EML1: variants seen among roughly 807,000 people sequenced by gnomAD.
EML1 encodes the protein EMAP like 1, also known as echinoderm microtubule-associated protein-like 1.
EML1 carries 27 observed loss-of-function variants against 110.4 expected under a neutral mutation model. The ratio of observed to expected loss-of-function variants is 0.24; its 90% CI spans 0.18 to 0.34. The LOEUF is 0.34. EML1 is among the 10% of genes least tolerant of loss of function. The probability of loss-of-function intolerance (pLI) is 1.00; values close to 1 mark genes in which losing one functional copy is unlikely to be tolerated. For synonymous variants in EML1, 344 were observed against 385.8 expected (o/e 0.89, Z 1.27); for missense variants, 741 against 1,030.9 (o/e 0.72, Z 3.85).
chr14:99,811,073 T>C (rs1220515155), intron 1 of EML1, among the ~76,000 whole-genome samples: 2 of 152,190 alleles, frequency 1.3e-5, no homozygotes, highest in African/African-American at 4.8e-5. Flanking sequence ...CCGTCTCTTA[T>C]GATGTTCACC....
chr14:99,753,294 A>G (rs537432491), intron 1 of EML1, among the ~76,000 whole-genome samples: 13 of 150,176 alleles, frequency 8.7e-5, no homozygotes, highest in African/African-American at 2.4e-4. Context: ...TTCAGCTAAC[A>G]AGACACTTCA....
At chr14:99,769,666 T>C (rs1377942074), upstream of EML1, among the ~76,000 whole-genome samples, 1 of 152,238 alleles carries the variant, frequency 6.6e-6, no homozygotes, top group Non-Finnish European at 1.5e-5. Flanking sequence ...ATCAGTCACA[T>C]GAGTTTCAGC....
chr14:99,922,774 A>T (rs2060153345), intron 17 of EML1, among the ~76,000 whole-genome samples: 1 of 152,202 alleles, frequency 6.6e-6, no homozygotes, highest in Non-Finnish European at 1.5e-5. Context: ...CATATTAGTC[A>T]TTCCAATATC....
chr14:99,916,831 A>G (rs528703306), intron 15 of EML1, among the ~76,000 whole-genome samples: 16 of 152,302 alleles, frequency 1.1e-4, no homozygotes, highest in Admixed American at 9.1e-4. Flanking sequence ...CTCTCCTGGG[A>G]GGCCCAAGTC....
chr14:99,931,102 G>A (rs533846376), intron 17 of EML1, among the ~76,000 whole-genome samples: 4 of 152,284 alleles, frequency 2.6e-5, no homozygotes, highest in African/African-American at 9.6e-5. Flanking sequence ...CCCCTGTCAT[G>A]TGGCATTCCC....
At position 99,737,861 on chromosome 14, in the gene EML1, G is replaced by A; in HGVS notation, c.28+1G>A. 7.8e-7 allele frequency: 1 copy of A among 1,289,250 alleles called. No individual in the cohort carries two copies. The highest frequency in any genetic ancestry group is 1.0e-6 in the Non-Finnish European group (1 of 988,610). The allele number at this position is 1,289,250 out of a possible 1,614,324, so 79.9% of individuals were successfully genotyped here. On this transcript the variant is annotated splice_donor_variant, in intron 1 of 10. Coordinates refer to the EML1 transcript ENST00000554479. LOFTEE classifies it high-confidence loss of function. ...TCGGACGGCGAGGGCCCCTCCGCCG[G>A]TGAGTGGCAGCGCTATATTTACCCG... is the stretch of plus-strand genomic sequence containing the variant.
rs971770739 is a variant in EML1 at position 99,831,379 on chromosome 14, G to A, written c.68-19474G>A. On this transcript the variant is annotated intron_variant, in intron 1 of 21. Coordinates refer to ENST00000262233, the MANE Select transcript of EML1 (RefSeq NM_004434.3). ...GCAGCTGCTCCAGGGACCCGGGACA[G>A]GTACCCTGGAAAGGCATGGGTAGAG... Among the ~76,000 whole-genome samples the A allele has an allele frequency of 2.6e-5, 4 of 152,318 alleles. No homozygotes were observed. The South Asian group carries it at 6.2e-4, about 24-fold the overall frequency.
At chr14:99,878,362 G>A (rs1317418258) in intron 3 of EML1, 123 bp from the exon 4 acceptor site, 9 of 1,417,824 alleles carry the variant, frequency 6.3e-6, no homozygotes, top group African/African-American at 4.3e-5. Context: ...GATCTCCGTT[G>A]CTAGGCCTGT....
rs142059443 is a variant in EML1 at position 99,922,876 on chromosome 14, C to T, written c.1909+1999C>T. Among the ~76,000 whole-genome samples, 437 of 152,018 alleles carry T rather than the reference C, an allele frequency of 2.9e-3. 4 individuals are homozygous for T. The highest frequency in any genetic ancestry group is 9.8e-3 in the African/African-American group (407 of 41,454). ...AGTAGTAAGTCCTCTTTATATATTCCGTATATACAGTCTTTATCAGATAGA... is the reference window on the plus strand; with the variant it reads ...AGTAGTAAGTCCTCTTTATATATTCTGTATATACAGTCTTTATCAGATAGA... On this transcript the variant is annotated intron_variant, in intron 17 of 21. Transcript: ENST00000262233.
chr14:99,777,965 A>G (rs955658038), intron 1 of EML1, among the ~76,000 whole-genome samples: 7 of 151,814 alleles, frequency 4.6e-5, no homozygotes, highest in African/African-American at 1.7e-4. Context: ...TTGCCATTTT[A>G]TTTTATTTTA....
intron 1 of EML1, among the ~76,000 whole-genome samples, chr14:99,810,378 A>G (rs1566876674): frequency 6.6e-6 from 1 of 152,216 alleles, no homozygotes; most frequent in Non-Finnish European, 1.5e-5. Flanking sequence ...TAGCAGTGAC[A>G]CTTCACATGA....
intron 1 of EML1, among the ~76,000 whole-genome samples, chr14:99,818,562 A>C (rs1300362139): frequency 6.6e-6 from 1 of 152,180 alleles, no homozygotes; most frequent in Non-Finnish European, 1.5e-5. Flanking sequence ...AGGCAAGATG[A>C]CCATGCGAAC....
chr14:99,821,144 G>T (rs928399467), intron 1 of EML1, among the ~76,000 whole-genome samples: 1 of 150,278 alleles, frequency 6.7e-6, no homozygotes, highest in South Asian at 2.1e-4. Flanking sequence ...TGCCTGAGCC[G>T]CCCAAGTGGC....
At chr14:99,746,358 C>T (rs2057108088) in intron 1 of EML1, among the ~76,000 whole-genome samples, 1 of 152,150 alleles carries the variant, frequency 6.6e-6, no homozygotes, top group South Asian at 2.1e-4. Context: ...CAGCAATCCC[C>T]TCTGAACTTT....
chr14:99,913,856 A>C (rs2059987634), intron 13 of EML1, among the ~76,000 whole-genome samples: 1 of 151,296 alleles, frequency 6.6e-6, no homozygotes, highest in South Asian at 2.1e-4. Context: ...TGCCCAGCTA[A>C]TTTTTGTATT....
intron 1 of EML1, among the ~76,000 whole-genome samples, chr14:99,830,711 C>T (rs1315922605): frequency 1.3e-5 from 2 of 152,064 alleles, no homozygotes; most frequent in African/African-American, 4.8e-5. Context: ...CCACCGCCCC[C>T]AGCTAAGTTT....
rs1053537277 is a variant in EML1 at position 99,939,467 on chromosome 14, C to G, written c.2322+140C>G. The G allele has an allele frequency of 1.5e-6, 2 of 1,373,204 alleles. No homozygotes were observed. The highest frequency in any genetic ancestry group is 1.4e-5 in the African/African-American group (1 of 69,002). The allele number at this position is 1,373,204 out of a possible 1,614,324, so 85.1% of individuals were successfully genotyped here. ...CAGATGTGACTCTGTTCTTTGCGCC[C>G]TGAGCACTTCCAGCCGCCCTTAGGG... is the stretch of plus-strand genomic sequence containing the variant. On this transcript the variant is annotated intron_variant, in intron 21 of 21. Coordinates refer to ENST00000262233, the MANE Select transcript of EML1 (RefSeq NM_004434.3). The surrounding 1 kb of genome is among the most constrained non-coding windows in gnomAD (Gnocchi z 4.2).
chr14:99,917,658 G>C, intron 15 of EML1, 124 bp from the exon 16 acceptor site: 1 of 847,208 alleles, frequency 1.2e-6, no homozygotes. Flanking sequence ...TTTTCAAATA[G>C]AGCCATATAG....
intron 2 of EML1, among the ~76,000 whole-genome samples, chr14:99,865,209 C>A (rs1255286190): frequency 1.3e-5 from 2 of 152,164 alleles, no homozygotes; most frequent in Non-Finnish European, 2.9e-5. Context: ...TGGGAGACAG[C>A]GACAGATCAT....
Sources: allele counts gnomAD v4.1 joint callset (sites outside exome capture counted in the v4.1 genomes callset), GRCh38; gene constraint gnomAD v4.1.1; non-coding constraint Gnocchi (gnomAD v3.1); transcripts MANE v1.5; gene names NCBI Gene and HGNC (gene_info 2026-07-23, HGNC 2026-07-21).